The following HCRTR1 variants were observed in gnomAD, a reference collection of about 807,000 sequenced individuals.
HCRTR1 encodes hypocretin receptor 1.
In HCRTR1, 28 loss-of-function variants were observed where a neutral mutation model predicts 40.6. That is an observed-to-expected ratio of 0.69 (90% CI 0.51 to 0.95). HCRTR1 has a LOEUF of 0.95. Among genes scored for constraint, HCRTR1 ranks in the 40% least tolerant of loss-of-function variants. The probability of loss-of-function intolerance (pLI) is 0.00; values close to 1 mark genes in which losing one functional copy is unlikely to be tolerated. For missense variants in HCRTR1, 482 were observed against 564.7 expected, an observed-to-expected ratio of 0.85 and a Z score of 1.48; for synonymous variants, 209 against 230.0, an observed-to-expected ratio of 0.91 and a Z score of 0.83.
intron 7 of HCRTR1, 53 bp from the exon 8 acceptor site, chr1:31,624,944 G>T: frequency 6.6e-7 from 1 of 1,526,302 alleles, no homozygotes. Context: ...CACTCCCCCA[G>T]TACATGCATA....
chr1:31,622,024 G>T (rs767745139), intron 6 of HCRTR1, among the ~76,000 whole-genome samples: 6 of 152,134 alleles, frequency 3.9e-5, no homozygotes, highest in Non-Finnish European at 8.8e-5. Context: ...TAGCAACTCC[G>T]TGGTGCTTGC....
At position 31,627,514 on chromosome 1, in the gene HCRTR1, C is replaced by T. The variant is rs537507264; in HGVS notation, c.*534C>T. The T allele has an allele frequency of 2.0e-5, 9 of 449,030 alleles. No individual in the cohort carries two copies. Among genetic ancestry groups the T allele is most frequent in the South Asian group, 1.7e-4 (9 of 54,092 alleles). The allele number at this position is 449,030 out of a possible 1,614,324, so 27.8% of individuals were successfully genotyped here. A position where few individuals can be genotyped will look rare whatever the true frequency, so the allele number is the denominator to read the frequency against. ...GTGCCAAGGGCACACACCACAGACCCGACCTTGTTGGCTTTGTGGTGTGAT... is the reference window on the plus strand; with the variant it reads ...GTGCCAAGGGCACACACCACAGACCTGACCTTGTTGGCTTTGTGGTGTGAT... On this transcript the variant is annotated 3_prime_UTR_variant, in exon 9 of 9. Coordinates refer to ENST00000403528, the MANE Select transcript of HCRTR1 (RefSeq NM_001525.3).
intron 7 of HCRTR1, among the ~76,000 whole-genome samples, chr1:31,624,675 G>A (rs910967548): frequency 2.0e-5 from 3 of 152,144 alleles, no homozygotes; most frequent in Admixed American, 6.5e-5. Flanking sequence ...TTACTTCTCT[G>A]AGCCTCAGTT....
chr1:31,632,716 C>A (rs1362270618), downstream of HCRTR1: 18 of 1,510,584 alleles, frequency 1.2e-5, no homozygotes. Context: ...CCCATTGAGG[C>A]AGCCCTTCTC....
downstream of HCRTR1, chr1:31,632,785 T>C (rs529436794): frequency 1.1e-5 from 10 of 938,352 alleles, no homozygotes; most frequent in Admixed American, 2.2e-4. Context: ...TGCCTGCACC[T>C]GAGACACCCA....
At chr1:31,624,183 G>A (rs1487756684) in intron 7 of HCRTR1, among the ~76,000 whole-genome samples, 1 of 152,166 alleles carries the variant, frequency 6.6e-6, no homozygotes, top group Non-Finnish European at 1.5e-5. Context: ...AGGGGGCCGG[G>A]TGCAGTGGCT....
At chr1:31,631,817 C>T (rs1286024576), downstream of HCRTR1, among the ~76,000 whole-genome samples, 1 of 152,166 alleles carries the variant, frequency 6.6e-6, no homozygotes, top group Non-Finnish European at 1.5e-5. Flanking sequence ...GCACTCACTC[C>T]TGCCCACAGA....
chr1:31,624,509 AG>A (rs1273099612), intron 7 of HCRTR1, among the ~76,000 whole-genome samples: 8 of 151,654 alleles, frequency 5.3e-5, no homozygotes, highest in Middle Eastern at 3.2e-3. Context: ...AGAGACTTGA[AG>A]GAAGTGAGAG....
chr1:31,630,555 TCA>T, downstream of HCRTR1: 1 of 1,493,742 alleles, frequency 6.7e-7, no homozygotes, highest in Non-Finnish European at 9.3e-7. Flanking sequence ...CATACTTCTC[TCA>T]CTCTAAGAAG....
In HCRTR1 at chr1:31,623,619, C is replaced by CG; in HGVS notation, c.838dup (p.Ala280GlyfsTer7). 6.2e-7 allele frequency: 1 copy of CG among 1,613,860 alleles called. No homozygotes were observed. Among genetic ancestry groups the CG allele is most frequent in the South Asian group, 1.1e-5 (1 of 91,082 alleles). ...GGGCCTGAGTGGAGAGCCCCAGCCCCGGGCCCGCGCCTTCCTGGCTGAAGT... is the reference window on the plus strand; with the variant it reads ...GGGCCTGAGTGGAGAGCCCCAGCCCCGGGGCCCGCGCCTTCCTGGCTGAAGT... On this transcript the variant is annotated frameshift_variant, in exon 7 of 9. Transcript: ENST00000403528. LOFTEE classifies it high-confidence loss of function.
intron 6 of HCRTR1, among the ~76,000 whole-genome samples, chr1:31,622,661 C>T (rs1425861463): frequency 6.6e-6 from 1 of 152,230 alleles, no homozygotes; most frequent in Non-Finnish European, 1.5e-5. Flanking sequence ...GTTTCCAGAA[C>T]TCCAGCCCCA....
At chr1:31,633,617 T>C (rs1192286384), downstream of HCRTR1, among the ~76,000 whole-genome samples, 3 of 152,162 alleles carry the variant, frequency 2.0e-5, no homozygotes, top group Non-Finnish European at 4.4e-5. Context: ...TCAAGAATTC[T>C]CTGGAAAAGG....
intron 4 of HCRTR1, 114 bp downstream of exon 4, chr1:31,619,824 A>AC: frequency 1.1e-6 from 1 of 950,930 alleles, no homozygotes; most frequent in Non-Finnish European, 1.5e-6. Context: ...TCAGTGGCTC[A>AC]TGACCCCTGA....
At position 31,623,027 on chromosome 1, in the gene HCRTR1, T is replaced by C. The variant is rs141932547; in HGVS notation, c.739-496T>C. 8.8e-3 allele frequency among the ~76,000 whole-genome samples: 1,345 copies of C among 152,192 alleles called. 30 individuals are homozygous for C. The highest frequency in any genetic ancestry group is 0.031 in the African/African-American group (1,283 of 41,498). ...TGTTGTAGAGGGTTTCACAAAGAGCTAATGGAAAATGAAAGTCTAGGCTGG... is the reference window on the plus strand; with the variant it reads ...TGTTGTAGAGGGTTTCACAAAGAGCCAATGGAAAATGAAAGTCTAGGCTGG... On this transcript the variant is annotated intron_variant, in intron 6 of 8. Transcript: ENST00000403528.
chr1:31,623,643 G>A lies in HCRTR1; in HGVS notation c.859G>A (p.Val287Met). 6.2e-7 allele frequency: 1 copy of A among 1,614,078 alleles called. No homozygotes were observed. The highest frequency in any genetic ancestry group is 8.5e-7 in the Non-Finnish European group (1 of 1,180,044). ...CCGGGCCCGCGCCTTCCTGGCTGAA[G>A]TGAAGCAGATGCGTGCACGGAGGAA... ...QPRARAFLAE[V>M]KQMRARRKTA... The change falls in exon 7 of 9, where the codon GTG (valine) becomes ATG (methionine). Residue 287 changes from valine (V) to methionine (M), a missense_variant. Transcript: ENST00000403528.
chr1:31,623,511 T>A lies in HCRTR1; in HGVS notation c.739-12T>A. Reference sequence around the variant, plus strand: ...TGTACCCACCACTGCTGTCTCTATGTGTGCTGGACAGATCCCCGGCACCAC... The same window carrying A: ...TGTACCCACCACTGCTGTCTCTATGAGTGCTGGACAGATCCCCGGCACCAC... On this transcript the variant is annotated splice_polypyrimidine_tract_variant and intron_variant, in intron 6 of 8. Transcript: ENST00000403528. The A allele has an allele frequency of 6.2e-7, 1 of 1,605,842 alleles. No individual in the cohort carries two copies. Among genetic ancestry groups the A allele is most frequent in the Non-Finnish European group, 8.5e-7 (1 of 1,175,568 alleles).
downstream of HCRTR1, chr1:31,630,808 C>G: frequency 6.2e-7 from 1 of 1,612,478 alleles, no homozygotes; most frequent in African/African-American, 1.3e-5. Flanking sequence ...GCTGGGTGAA[C>G]TGGGGGCTCA....
rs773424154 is a variant in HCRTR1, at chr1:31,626,764, G to A, written c.1088-26G>A. The A allele has an allele frequency of 6.3e-7, 1 of 1,590,034 alleles. No homozygotes were observed. Among genetic ancestry groups the A allele is most frequent in the Admixed American group, 1.7e-5 (1 of 58,908 alleles). ...TTCCTGCTGCATCTGTCTCCTTATG[G>A]CTGTGTCTTTTGTCTCCCAACCAAG... On this transcript the variant is annotated intron_variant, in intron 8 of 8. Transcript: ENST00000403528. The surrounding 1 kb of genome is among the most constrained non-coding windows in gnomAD (Gnocchi z 4.6).
At chr1:31,634,129 G>A (rs1570272331), downstream of HCRTR1, among the ~76,000 whole-genome samples, 1 of 152,306 alleles carries the variant, frequency 6.6e-6, no homozygotes, top group Non-Finnish European at 1.5e-5. Context: ...TAAGGACAGA[G>A]GGAAAAAGGT....
Sources: gnomAD v4.1 joint callset for allele counts (sites outside exome capture counted in the v4.1 genomes callset) on GRCh38, gnomAD v4.1.1 for gene constraint, Gnocchi (gnomAD v3.1) non-coding constraint, MANE v1.5 for transcripts, NCBI Gene and HGNC (gene_info 2026-07-23, HGNC 2026-07-21) for gene names.